The following LRP1B variants were observed in gnomAD, a reference collection of about 807,000 sequenced individuals.
LRP1B encodes the protein low-density lipoprotein receptor-related protein 1B.
LRP1B carries 217 observed loss-of-function variants against 556.6 expected under a neutral mutation model. That is an observed-to-expected ratio of 0.39 (90% CI 0.35 to 0.44). The LOEUF is 0.44. Ranked by LOEUF, LRP1B falls within the 20% of genes least tolerant of loss-of-function variation. The pLI is 1.00. For missense variants in LRP1B, 5,053 were observed against 5,620.8 expected (o/e 0.90, Z 3.23); for synonymous variants, 2,047 against 1,865.8 (o/e 1.10, Z -2.50).
intron 3 of LRP1B, among the ~76,000 whole-genome samples, chr2:141,273,431 A>G (rs1685163001): frequency 6.6e-6 from 1 of 152,202 alleles, no homozygotes; most frequent in African/African-American, 2.4e-5. Flanking sequence ...AAACTCTCAC[A>G]TCTATGGTCA....
intron 1 of LRP1B, among the ~76,000 whole-genome samples, chr2:142,081,275 G>C (rs1471003249): frequency 3.3e-5 from 5 of 152,122 alleles, no homozygotes; most frequent in Admixed American, 6.6e-5. Context: ...TGAAATACTT[G>C]AGGAATAAAC....
At chr2:140,301,605 T>G (rs1683825680) in intron 83 of LRP1B, among the ~76,000 whole-genome samples, 1 of 151,958 alleles carries the variant, frequency 6.6e-6, no homozygotes, top group African/African-American at 2.4e-5. Context: ...ATATAAAAAA[T>G]TATGTATCTT....
intron 18 of LRP1B, among the ~76,000 whole-genome samples, chr2:140,974,379 G>A (rs1044458047): frequency 3.3e-5 from 5 of 152,206 alleles, no homozygotes; most frequent in African/African-American, 9.6e-5. Flanking sequence ...CTAATTCTGT[G>A]AGAATAAGCA....
intron 2 of LRP1B, among the ~76,000 whole-genome samples, chr2:141,773,095 T>C (rs1056035910): frequency 1.3e-5 from 2 of 152,224 alleles, no homozygotes; most frequent in African/African-American, 4.8e-5. Context: ...TTGTATTTAA[T>C]TTAAAAGACT....
At chr2:141,073,564 T>G (rs1013596973) in intron 7 of LRP1B, among the ~76,000 whole-genome samples, 5 of 152,262 alleles carry the variant, frequency 3.3e-5, no homozygotes, top group South Asian at 4.1e-4. Context: ...ACTAATATTC[T>G]AGCCTGTCAT....
chr2:141,711,134 C>T, intron 2 of LRP1B, among the ~76,000 whole-genome samples: 1 of 152,038 alleles, frequency 6.6e-6, no homozygotes, highest in Non-Finnish European at 1.5e-5. Flanking sequence ...TTATTTAGTC[C>T]TGTGATTTGG....
At chr2:140,821,998 C>CA (rs374956852) in intron 31 of LRP1B, among the ~76,000 whole-genome samples, 6,067 of 117,866 alleles carry the variant, frequency 0.051, 297 homozygotes, top group East Asian at 0.2. Flanking sequence ...GACTCCGTCT[C>CA]AAAAAAAAAA....
chr2:141,472,429 AT>A (rs1682511458), intron 3 of LRP1B, among the ~76,000 whole-genome samples: 1 of 152,056 alleles, frequency 6.6e-6, no homozygotes, highest in Non-Finnish European at 1.5e-5. Context: ...AATTCCAACT[AT>A]TTGGGAGGCT....
In LRP1B at chr2:141,571,153, T is replaced by C. The variant is rs934015909; in HGVS notation, c.206-90620A>G. Reference sequence around the variant, plus strand: ...GACACCCTATACAGGAGTGATCCTATTGGCATCAGGTTATAGCCCCTTGAG... The same window carrying C: ...GACACCCTATACAGGAGTGATCCTACTGGCATCAGGTTATAGCCCCTTGAG... On this transcript the variant is annotated intron_variant, in intron 2 of 90. Coordinates refer to ENST00000389484, the MANE Select transcript of LRP1B (RefSeq NM_018557.3). Among the ~76,000 whole-genome samples the C allele has an allele frequency of 2.7e-5, 4 of 146,818 alleles. No individual in the cohort carries two copies. In the East Asian group the frequency reaches 5.9e-4, roughly 22 times the overall value.
chr2:141,762,599 G>A lies in LRP1B; in HGVS notation c.205+47680C>T, dbSNP rs552835375. 1.4e-4 allele frequency among the ~76,000 whole-genome samples: 22 copies of A among 152,154 alleles called. No homozygotes were observed. The South Asian group carries it at 4.6e-3, about 32-fold the overall frequency. On this transcript the variant is annotated intron_variant, in intron 2 of 90. Coordinates refer to ENST00000389484, the MANE Select transcript of LRP1B (RefSeq NM_018557.3). ...AGTGTGAAAATGAGAAACAAGGCAG[G>A]AAGGATGTTGTAAGGGAGATAATGC...
chr2:141,057,240 A>G (rs1181954460), intron 9 of LRP1B, among the ~76,000 whole-genome samples: 2 of 151,864 alleles, frequency 1.3e-5, no homozygotes, highest in African/African-American at 4.8e-5. Flanking sequence ...TAAAAGTATA[A>G]GCAAAAGTTT....
At chr2:141,299,523 T>C (rs1010010741) in intron 3 of LRP1B, among the ~76,000 whole-genome samples, 30 of 152,252 alleles carry the variant, frequency 2.0e-4, no homozygotes, top group Admixed American at 2.0e-3. Context: ...TAGTTTCTTC[T>C]GTGGTCAGAG....
intron 2 of LRP1B, among the ~76,000 whole-genome samples, chr2:141,782,025 A>G (rs1326192948): frequency 6.6e-6 from 1 of 152,164 alleles, no homozygotes; most frequent in Non-Finnish European, 1.5e-5. Context: ...CTATTTTACC[A>G]TACAAAAAAC....
At chr2:140,810,145 G>A (rs1335423467) in intron 32 of LRP1B, among the ~76,000 whole-genome samples, 2 of 152,014 alleles carry the variant, frequency 1.3e-5, no homozygotes, top group African/African-American at 2.4e-5. Flanking sequence ...TAAGAGTCTC[G>A]AGCGGTTCCA....
At chr2:141,438,458 C>G (rs1366945808) in intron 3 of LRP1B, among the ~76,000 whole-genome samples, 1 of 152,124 alleles carries the variant, frequency 6.6e-6, no homozygotes, top group East Asian at 1.9e-4. Context: ...TTTTTCATTT[C>G]TAATTACACA....
intron 66 of LRP1B, among the ~76,000 whole-genome samples, chr2:140,440,743 ATG>A (rs375585057): frequency 3.3e-5 from 5 of 150,442 alleles, no homozygotes; most frequent in East Asian, 1.9e-4. Context: ...CTCTGTATGT[ATG>A]TGTGTGTGTG....
rs79172852 is a variant in LRP1B, at chr2:141,671,829, T to C, written c.205+138450A>G. On this transcript the variant is annotated intron_variant, in intron 2 of 90. Transcript: ENST00000389484. The stretch of plus-strand genomic sequence containing the variant: ...CCTTTCTTAACCCATCAAACTTTTT[T>C]TTTTTTTCACAAACAAAATGCTATT... 4.8e-3 allele frequency among the ~76,000 whole-genome samples: 726 copies of C among 151,982 alleles called. 7 individuals carry two copies. Among genetic ancestry groups the C allele is most frequent in the African/African-American group, 0.017 (687 of 41,486 alleles).
intron 30 of LRP1B, among the ~76,000 whole-genome samples, 186 bp downstream of exon 30, chr2:140,840,732 T>G (rs1469247070): frequency 6.6e-6 from 1 of 152,204 alleles, no homozygotes; most frequent in African/African-American, 2.4e-5. Context: ...TGGTGTAGGA[T>G]ATATATAATC....
chr2:141,815,357 T>A (rs961863304), intron 1 of LRP1B, among the ~76,000 whole-genome samples: 2 of 152,100 alleles, frequency 1.3e-5, no homozygotes, highest in African/African-American at 4.8e-5. Context: ...CTGGGTCGAG[T>A]GAGGACTTGG....
Sources: gnomAD v4.1 joint callset for allele counts (sites outside exome capture counted in the v4.1 genomes callset) on GRCh38, gnomAD v4.1.1 for gene constraint, MANE v1.5 for transcripts, NCBI Gene and HGNC (gene_info 2026-07-23, HGNC 2026-07-21) for gene names.